Variants in ATP13A2 observed in about 807,000 individuals in gnomAD.
The protein encoded by ATP13A2 is ATPase cation transporting 13A2.
A neutral mutation model predicts 138.3 loss-of-function variants in ATP13A2; 83 were observed. The ratio of observed to expected loss-of-function variants is 0.60; its 90% CI spans 0.50 to 0.72. ATP13A2 has a LOEUF of 0.72. ATP13A2 is among the 30% of genes least tolerant of loss of function. The pLI is 0.00. For missense variants in ATP13A2, 1,402 were observed against 1,606.4 expected (o/e 0.87, Z 2.17); for synonymous variants, 663 against 699.0 (o/e 0.95, Z 0.81).
At chr1:16,998,744 A>T (rs1343704623) in intron 11 of ATP13A2, among the ~76,000 whole-genome samples, 4 of 152,188 alleles carry the variant, frequency 2.6e-5, no homozygotes, top group African/African-American at 7.2e-5. Flanking sequence ...TGAGTCAGTT[A>T]CGATACATCC....
chr1:16,994,933 A>T (rs10437047), intron 15 of ATP13A2, among the ~76,000 whole-genome samples: 32,173 of 151,988 alleles, frequency 0.21, 4,007 homozygotes, highest in East Asian at 0.56. Context: ...AAGTGCCGGG[A>T]TTCCAGGCAT....
rs950513482 is a variant in ATP13A2 at position 16,986,216 on chromosome 1, C to T, written c.*5G>A. On this transcript the variant is annotated 3_prime_UTR_variant, in exon 29 of 29. Coordinates refer to ENST00000326735, the MANE Select transcript of ATP13A2 (RefSeq NM_022089.4). This position sits in a 1 kb window ranked among gnomAD's most constrained non-coding sequence, Gnocchi z 6.9. ...TCCAGTGTCTGGGGTGCCCGTGGGC[C>T]TGCACTACCTCAGGGGGCCGGCGGG... 4 of 1,612,462 alleles carry T rather than the reference C, an allele frequency of 2.5e-6. No individual in the cohort carries two copies. The highest frequency in any genetic ancestry group is 3.4e-6 in the Non-Finnish European group (4 of 1,179,550).
chr1:16,992,585 G>A lies in ATP13A2; in HGVS notation c.1750-4C>T, dbSNP rs747110657. ...CAGCCGGCTCTTCCTCCAGGACCTG[G>A]CAGGCAGGCAGGGAAGTTTGGTGTC... On this transcript the variant is annotated splice_region_variant and splice_polypyrimidine_tract_variant and intron_variant, in intron 16 of 28. Transcript: ENST00000326735. The A allele has an allele frequency of 1.5e-5, 24 of 1,613,968 alleles. 1 individual carries two copies. In the South Asian group the frequency reaches 2.4e-4, roughly 16 times the overall value.
rs575694238 is a variant in ATP13A2 at position 16,992,352 on chromosome 1, C to G, written c.1896G>C (p.Ser632=). 6.2e-7 allele frequency: 1 copy of G among 1,613,258 alleles called. No homozygotes were observed. Among genetic ancestry groups the G allele is most frequent in the South Asian group, 1.1e-5 (1 of 91,062 alleles). Reference sequence around the variant, plus strand: ...CCACCACACTCATGCGCTGCAGAGCCGAAGAGAAGGGGAAGCGGTGGAGGA... The same window carrying G: ...CCACCACACTCATGCGCTGCAGAGCGGAAGAGAAGGGGAAGCGGTGGAGGA... ...VSVLHRFPFS[S]ALQRMSVVVA... The change falls in exon 18 of 29, where the codon TCG becomes TCC. Residue 632 remains serine, a synonymous_variant. Transcript: ENST00000326735.
At chr1:16,996,687 C>G in intron 12 of ATP13A2, 191 bp from the exon 13 acceptor site, 1 of 629,178 alleles carries the variant, frequency 1.6e-6, no homozygotes, top group South Asian at 1.9e-5. Flanking sequence ...AAACAAGGAA[C>G]TAGTGGATAG....
Position 16,996,463 on chromosome 1 carries a change from G to T in ATP13A2, c.1229C>A (p.Ser410Tyr). Residue 410 changes from serine to tyrosine, a missense_variant, in exon 13 of 29, where the codon TCC becomes TAC. Transcript: ENST00000326735. ...FCTAKGGLVS[S>Y]ILHPRPINFK... ...GTTGATGGGCCGGGGGTGCAAGATG[G>T]AGCTCACCAGGCCCCCTTTTGCCGT... 1 of 1,614,072 alleles carries T rather than the reference G, an allele frequency of 6.2e-7. No individual in the cohort carries two copies. Among genetic ancestry groups the T allele is most frequent in the Non-Finnish European group, 8.5e-7 (1 of 1,180,012 alleles).
chr1:16,991,812 T>C lies in ATP13A2; in HGVS notation c.2173A>G (p.Arg725Gly), dbSNP rs1470559216. 1.2e-6 allele frequency: 2 copies of C among 1,614,174 alleles called. No homozygotes were observed. Among genetic ancestry groups the C allele is most frequent in the Non-Finnish European group, 1.7e-6 (2 of 1,180,048 alleles). The change falls in exon 20 of 29, where the codon AGG (arginine) becomes GGG (glycine). Residue 725 changes from arginine (R) to glycine (G), a missense_variant. Coordinates refer to ENST00000326735, the MANE Select transcript of ATP13A2 (RefSeq NM_022089.4). ...GTTGTCTGCGGCTTCAGTAGGTTCC[T>C]CATGACCAGCAGCCCCAGGAGGCTC... is the stretch of plus-strand genomic sequence containing the variant. Reference protein sequence around the residue: ...DLSLLGLLVMRNLLKPQTTPV... With the variant: ...DLSLLGLLVMGNLLKPQTTPV...
At position 17,010,988 on chromosome 1, in the gene ATP13A2, A is replaced by T. The variant is rs141395212; in HGVS notation, c.10+741T>A. ...TGGATTCTAGGGGCTGTCTTTCCTC[A>T]TTCCTTCCCCTCCCTCGCCGGGGGG... On this transcript the variant is annotated intron_variant, in intron 1 of 28. Coordinates refer to ENST00000326735, the MANE Select transcript of ATP13A2 (RefSeq NM_022089.4). Among the ~76,000 whole-genome samples, 390 of 152,058 alleles carry T rather than the reference A, an allele frequency of 2.6e-3. 4 individuals carry two copies. Among genetic ancestry groups the T allele is most frequent in the African/African-American group, 8.9e-3 (371 of 41,458 alleles).
At chr1:16,988,821 A>C (rs1405500745) in intron 23 of ATP13A2, among the ~76,000 whole-genome samples, 1 of 151,918 alleles carries the variant, frequency 6.6e-6, no homozygotes, top group Non-Finnish European at 1.5e-5. Flanking sequence ...TTTAGTAGAG[A>C]TGGGGTTTCA....
At chr1:16,997,308 C>G in intron 11 of ATP13A2, 133 bp from the exon 12 acceptor site, 1 of 1,098,558 alleles carries the variant, frequency 9.1e-7, no homozygotes, top group East Asian at 2.6e-5. Context: ...CAAGAAATCA[C>G]AGCCCCATTT....
rs748975167 is a variant in ATP13A2, at chr1:16,986,667, G to GC, written c.3236-36dup. The GC allele has an allele frequency of 7.3e-5, 115 of 1,578,760 alleles. 1 individual carries two copies. The East Asian group carries it at 8.1e-4, about 11-fold the overall frequency. On this transcript the variant is annotated intron_variant, in intron 27 of 28. Coordinates refer to ENST00000326735, the MANE Select transcript of ATP13A2 (RefSeq NM_022089.4). This position sits in a 1 kb window ranked among gnomAD's most constrained non-coding sequence, Gnocchi z 6.9. ...GGAGAGTCTCTCAGGCAGGAGCCAC[G>GC]CCCCCCCGGCACCCACAGACACACG...
chr1:16,996,984 C>T (rs200024237), intron 12 of ATP13A2, 36 bp downstream of exon 12: 33 of 1,602,246 alleles, frequency 2.1e-5, no homozygotes, highest in South Asian at 1.3e-4. Flanking sequence ...GTGCTGAGCC[C>T]GGGATCTCTC....
At chr1:16,994,682 A>G (rs1401315557) in intron 15 of ATP13A2, among the ~76,000 whole-genome samples, 1 of 150,848 alleles carries the variant, frequency 6.6e-6, no homozygotes, top group Non-Finnish European at 1.5e-5. Context: ...TTTTTTTTTG[A>G]GACGGAGTCT....
rs766340340 is a variant in ATP13A2, at chr1:16,993,755, T to C, written c.1623A>G (p.Pro541=). 1.3e-6 allele frequency: 2 copies of C among 1,591,624 alleles called. No individual in the cohort carries two copies. The highest frequency in any genetic ancestry group is 2.7e-5 in the African/African-American group (2 of 74,488). The part of the protein sequence containing the change: ...LKGQAFLPLV[P]EPRRLPVGPL... Reference sequence around the variant, plus strand: ...GCCCCACAGGCAGGCGGCGAGGCTCTGGGACCAGGGGCAGGAATGCCTGCC... The same window carrying C: ...GCCCCACAGGCAGGCGGCGAGGCTCCGGGACCAGGGGCAGGAATGCCTGCC... Residue 541 remains proline, a synonymous_variant, in exon 16 of 29, where the codon CCA becomes CCG. Transcript: ENST00000326735.
At chr1:17,005,218 C>T (rs977429791) in intron 3 of ATP13A2, 146 bp from the exon 4 acceptor site, 1 of 1,447,116 alleles carries the variant, frequency 6.9e-7, no homozygotes, top group Non-Finnish European at 9.5e-7. Flanking sequence ...TCCCTTCTGC[C>T]CAATGCTCAG....
In ATP13A2 at chr1:17,004,211, G is replaced by C; in HGVS notation, c.557+121C>G. On this transcript the variant is annotated intron_variant, in intron 6 of 28. Transcript: ENST00000326735. This position sits in a 1 kb window ranked among gnomAD's most constrained non-coding sequence, Gnocchi z 4.1. ...GGAGGGGCTCAGTAACCTGCCCAAGGTTTCAGACAGCAAAAGCATCAGAGC... is the reference window on the plus strand; with the variant it reads ...GGAGGGGCTCAGTAACCTGCCCAAGCTTTCAGACAGCAAAAGCATCAGAGC... 1 of 1,071,384 alleles carries C rather than the reference G, an allele frequency of 9.3e-7. No homozygotes were observed. Among genetic ancestry groups the C allele is most frequent in the African/African-American group, 1.6e-5 (1 of 63,642 alleles). The allele number at this position is 1,071,384 out of a possible 1,614,324, so 66.4% of individuals were successfully genotyped here. A position where few individuals can be genotyped will look rare whatever the true frequency, so the allele number is the denominator to read the frequency against.
chr1:16,988,824 G>A (rs2076824824), intron 23 of ATP13A2, among the ~76,000 whole-genome samples: 1 of 152,028 alleles, frequency 6.6e-6, no homozygotes, highest in African/African-American at 2.4e-5. Context: ...AGTAGAGATG[G>A]GGTTTCACCA....
At chr1:17,006,626 A>G (rs1388175892) in intron 1 of ATP13A2, among the ~76,000 whole-genome samples, 2 of 152,112 alleles carry the variant, frequency 1.3e-5, no homozygotes, top group Non-Finnish European at 1.5e-5. Context: ...GGGCCTGGAC[A>G]GTGCCCCAAG....
intron 8 of ATP13A2, 33 bp from the exon 9 acceptor site, chr1:17,000,567 G>C (rs151269709): frequency 6.2e-7 from 1 of 1,605,916 alleles, no homozygotes; most frequent in Admixed American, 1.7e-5. Flanking sequence ...CGTCAGGGCC[G>C]CGTCCCCCAG....
Sources: gnomAD v4.1 joint callset for allele counts (sites outside exome capture counted in the v4.1 genomes callset) on GRCh38, gnomAD v4.1.1 for gene constraint, Gnocchi (gnomAD v3.1) non-coding constraint, MANE v1.5 for transcripts, NCBI Gene and HGNC (gene_info 2026-07-23, HGNC 2026-07-21) for gene names.